UPF2: variants seen among roughly 807,000 people sequenced by gnomAD.
UPF2 encodes regulator of nonsense transcripts 2.
Under a neutral mutation model 141.4 loss-of-function variants are expected in UPF2, and 17 were observed. That is an observed-to-expected ratio of 0.12 (90% CI 0.08 to 0.18). The LOEUF (loss-of-function observed/expected upper bound fraction) is 0.18, where lower values mean the gene tolerates loss of function less well. Among genes scored for constraint, UPF2 ranks in the 10% least tolerant of loss-of-function variants. The pLI, the probability that UPF2 is intolerant of heterozygous loss-of-function variation, is 1.00. For synonymous variants in UPF2, 540 were observed against 498.0 expected (o/e 1.08, Z -1.12); for missense variants, 1,152 against 1,515.9 (o/e 0.76, Z 3.99).
Position 11,980,991 on chromosome 10 carries a change from C to A in UPF2, c.1845-1826G>T, listed in dbSNP as rs1300100918. 6.6e-6 allele frequency among the ~76,000 whole-genome samples: 1 copy of A among 151,992 alleles called. No individual in the cohort carries two copies. Among genetic ancestry groups the A allele is most frequent in the African/African-American group, 2.4e-5 (1 of 41,354 alleles). On this transcript the variant is annotated intron_variant, in intron 8 of 21. Coordinates refer to ENST00000357604, the MANE Select transcript of UPF2 (RefSeq NM_015542.4). This position sits in a 1 kb window ranked among gnomAD's most constrained non-coding sequence, Gnocchi z 4.2. The stretch of plus-strand genomic sequence containing the variant: ...TCACCTGAGGTGAGGAGTTCAAGAC[C>A]AGCCTGGCCAACATGGTGAAACCCC...
rs1833280042 is a variant in UPF2 at position 11,964,025 on chromosome 10, C to T, written c.2168G>A (p.Arg723Lys). ...FLFRSPESHLRTSVLLEQMMR... is the reference protein window; with the variant it reads ...FLFRSPESHLKTSVLLEQMMR... ...AGCCCTTACCAAAAGTACACTGGTC[C>T]TCAGGTGAGATTCTGGAGATCTGAA... The change falls in exon 11 of 22, where the codon AGG becomes AAG. Residue 723 changes from arginine to lysine, a missense_variant. Coordinates refer to ENST00000357604, the MANE Select transcript of UPF2 (RefSeq NM_015542.4). The T allele has an allele frequency of 6.2e-7, 1 of 1,613,334 alleles. No individual in the cohort carries two copies. Among genetic ancestry groups the T allele is most frequent in the African/African-American group, 1.3e-5 (1 of 74,886 alleles).
Position 11,956,954 on chromosome 10 carries a change from T to C in UPF2, c.2371-431A>G, listed in dbSNP as rs1833161587. 6.6e-6 allele frequency among the ~76,000 whole-genome samples: 1 copy of C among 152,132 alleles called. No individual in the cohort carries two copies. The highest frequency in any genetic ancestry group is 2.1e-4 in the South Asian group (1 of 4,830). On this transcript the variant is annotated intron_variant, in intron 12 of 21. Transcript: ENST00000357604. The surrounding 1 kb of genome is among the most constrained non-coding windows in gnomAD (Gnocchi z 4.2). The stretch of plus-strand genomic sequence containing the variant: ...TCCCACCTCAGTCCCCCAAATAGAC[T>C]GGACTACAGGCATGCAATAGCATGC...
At chr10:11,990,315 C>T (rs1259309051) in intron 8 of UPF2, among the ~76,000 whole-genome samples, 1 of 152,186 alleles carries the variant, frequency 6.6e-6, no homozygotes, top group Non-Finnish European at 1.5e-5. Flanking sequence ...TGCTTAGCAT[C>T]TGGAAAGGCA....
intron 4 of UPF2, among the ~76,000 whole-genome samples, chr10:12,013,688 G>A (rs532167412): frequency 5.9e-5 from 9 of 152,246 alleles, no homozygotes; most frequent in African/African-American, 2.2e-4. Context: ...TCTAGGTCCA[G>A]AGACTCTTCC....
chr10:12,032,773 G>A (rs1226448229), intron 2 of UPF2, among the ~76,000 whole-genome samples: 1 of 150,288 alleles, frequency 6.7e-6, no homozygotes, highest in East Asian at 2.0e-4. Flanking sequence ...AAGAATCATG[G>A]TTCTGAATAT....
Position 12,007,911 on chromosome 10 carries a change from C to T in UPF2, c.1307-3184G>A, listed in dbSNP as rs111831138. Among the ~76,000 whole-genome samples, 248 of 148,722 alleles carry T rather than the reference C, an allele frequency of 1.7e-3. 1 individual carries two copies. The highest frequency in any genetic ancestry group is 5.7e-3 in the African/African-American group (232 of 40,528). On this transcript the variant is annotated intron_variant, in intron 4 of 21. Coordinates refer to ENST00000357604, the MANE Select transcript of UPF2 (RefSeq NM_015542.4). ...AAGTGCTTTTTTTTTTTCTCTCTGA[C>T]ATGGAGTCTCGCTCTGTCACCCAGG...
intron 9 of UPF2, 32 bp from the exon 10 acceptor site, chr10:11,967,486 A>G: frequency 2.3e-6 from 3 of 1,318,224 alleles, no homozygotes; most frequent in Non-Finnish European, 3.1e-6. Flanking sequence ...ATAATGCTTA[A>G]TCAACATTTT....
intron 21 of UPF2, among the ~76,000 whole-genome samples, chr10:11,926,181 G>T (rs1049634175): frequency 6.6e-6 from 1 of 152,146 alleles, no homozygotes; most frequent in Non-Finnish European, 1.5e-5. Context: ...CTACATTTAG[G>T]GATTGAGGGA....
intron 14 of UPF2, 69 bp from the exon 15 acceptor site, chr10:11,952,318 A>G (rs1833086069): frequency 7.3e-7 from 1 of 1,369,572 alleles, no homozygotes; most frequent in African/African-American, 1.5e-5. Flanking sequence ...ATAATAAACT[A>G]TATTGTGCTG....
chr10:11,958,439 T>C (rs1833189157), intron 12 of UPF2, among the ~76,000 whole-genome samples: 1 of 152,196 alleles, frequency 6.6e-6, no homozygotes, highest in Non-Finnish European at 1.5e-5. Context: ...CGTTTAGCCA[T>C]TCTATACTTT....
At chr10:11,947,628 C>T (rs1417515260) in intron 16 of UPF2, among the ~76,000 whole-genome samples, 1 of 150,158 alleles carries the variant, frequency 6.7e-6, no homozygotes, top group South Asian at 2.1e-4. Flanking sequence ...ACAAAAAAAC[C>T]CCAAAATAAT....
intron 14 of UPF2, 139 bp downstream of exon 14, chr10:11,955,093 T>C (rs1463035810): frequency 1.2e-6 from 1 of 828,714 alleles, no homozygotes; most frequent in Non-Finnish European, 1.6e-6. Flanking sequence ...TCCAAAAGCA[T>C]TCTTATATGA....
chr10:12,021,269 C>T (rs1034248567), intron 3 of UPF2, among the ~76,000 whole-genome samples: 4 of 151,924 alleles, frequency 2.6e-5, no homozygotes, highest in African/African-American at 4.8e-5. Context: ...GTGGCTCATG[C>T]CTGTAATCTC....
At chr10:12,030,858 T>C (rs563679813) in intron 2 of UPF2, among the ~76,000 whole-genome samples, 15 of 149,284 alleles carry the variant, frequency 1.0e-4, no homozygotes, top group Non-Finnish European at 2.1e-4. Flanking sequence ...CACTCCAACC[T>C]GTGTGACAGA....
chr10:11,946,477 A>G (rs1213457978), intron 16 of UPF2, among the ~76,000 whole-genome samples: 2 of 152,240 alleles, frequency 1.3e-5, no homozygotes, highest in African/African-American at 2.4e-5. Flanking sequence ...ACTCAAATAA[A>G]AACTTTAAAA....
intron 21 of UPF2, among the ~76,000 whole-genome samples, chr10:11,928,947 G>A (rs1454142638): frequency 2.0e-5 from 3 of 152,282 alleles, no homozygotes; most frequent in Non-Finnish European, 2.9e-5. Context: ...TGAGGAGTTC[G>A]AGACCAGCCT....
Position 12,042,482 on chromosome 10 carries a change from C to T in UPF2, c.-19+273G>A, listed in dbSNP as rs943356008. ...GGCTCCCCGCCTCCAGTCTCGAGGC[C>T]CGGCCCAGGCATGTGGGGCAGGCAC... On this transcript the variant is annotated intron_variant, in intron 1 of 21. Transcript: ENST00000357604. This position sits in a 1 kb window ranked among gnomAD's most constrained non-coding sequence, Gnocchi z 5.5. 6.6e-6 allele frequency among the ~76,000 whole-genome samples: 1 copy of T among 152,200 alleles called. No homozygotes were observed. Among genetic ancestry groups the T allele is most frequent in the Non-Finnish European group, 1.5e-5 (1 of 68,034 alleles).
chr10:11,948,007 G>A (rs1392258071), intron 16 of UPF2, among the ~76,000 whole-genome samples: 1 of 151,674 alleles, frequency 6.6e-6, no homozygotes, highest in Admixed American at 6.6e-5. Context: ...CAGCACTTTG[G>A]GAGGCTGAGA....
chr10:11,981,712 G>A lies in UPF2; in HGVS notation c.1845-2547C>T, dbSNP rs144373060. 7.6e-4 allele frequency among the ~76,000 whole-genome samples: 115 copies of A among 151,736 alleles called. 1 individual carries two copies. The East Asian group carries it at 0.017, about 22-fold the overall frequency. ...TTTTTTTTTTCTGAGACGGAGTCTC[G>A]CTCTGTCGCCCAGGCTGGAGTGGAG... On this transcript the variant is annotated intron_variant, in intron 8 of 21. Coordinates refer to ENST00000357604, the MANE Select transcript of UPF2 (RefSeq NM_015542.4).
Sources: allele counts gnomAD v4.1 joint callset (sites outside exome capture counted in the v4.1 genomes callset), GRCh38; gene constraint gnomAD v4.1.1; non-coding constraint Gnocchi (gnomAD v3.1); transcripts MANE v1.5; gene names NCBI Gene and HGNC (gene_info 2026-07-23, HGNC 2026-07-21).